DCAF6: variants seen among roughly 807,000 people sequenced by gnomAD.
DCAF6 encodes DDB1- and CUL4-associated factor 6.
In DCAF6, 54 loss-of-function variants were observed where a neutral mutation model predicts 125.1. The ratio of observed to expected loss-of-function variants is 0.43; its 90% CI spans 0.35 to 0.54. DCAF6 has a LOEUF of 0.54. DCAF6 is among the 20% of genes least tolerant of loss of function. The probability of loss-of-function intolerance (pLI) is 0.01; values close to 1 mark genes in which losing one functional copy is unlikely to be tolerated. For missense variants in DCAF6, 934 were observed against 1,161.7 expected (o/e 0.80, Z 2.85); for synonymous variants, 371 against 390.4 (o/e 0.95, Z 0.58).
chr1:167,952,571 C>T (rs192874487), intron 2 of DCAF6, among the ~76,000 whole-genome samples: 85 of 152,242 alleles, frequency 5.6e-4, no homozygotes, highest in Non-Finnish European at 1.1e-3. Context: ...ACCATACTCT[C>T]TTGGTTTTCT....
At chr1:168,049,796 C>T (rs1689659169) in intron 16 of DCAF6, among the ~76,000 whole-genome samples, 1 of 150,948 alleles carries the variant, frequency 6.6e-6, no homozygotes, top group South Asian at 2.1e-4. Context: ...GCTGGGACTA[C>T]AGGCGCCTGC....
chr1:168,005,498 C>G (rs528759828), intron 10 of DCAF6, among the ~76,000 whole-genome samples: 1 of 151,940 alleles, frequency 6.6e-6, no homozygotes, highest in African/African-American at 2.4e-5. Context: ...ACAGTTTACT[C>G]GGTACTTTAA....
intron 12 of DCAF6, among the ~76,000 whole-genome samples, chr1:168,029,944 C>G (rs1028705696): frequency 6.6e-6 from 1 of 150,628 alleles, no homozygotes; most frequent in Non-Finnish European, 1.5e-5. Context: ...TGCACCACTG[C>G]GCTCCAGCCT....
At chr1:168,016,769 A>G (rs148610056) in intron 11 of DCAF6, among the ~76,000 whole-genome samples, 10 of 152,246 alleles carry the variant, frequency 6.6e-5, no homozygotes, top group African/African-American at 7.2e-5. Context: ...TATAAATACT[A>G]TAGTAGGTAT....
chr1:167,965,019 C>T (rs1676182971), intron 2 of DCAF6, among the ~76,000 whole-genome samples: 1 of 152,238 alleles, frequency 6.6e-6, no homozygotes, highest in Admixed American at 6.5e-5. Context: ...ACAGTTCCAA[C>T]AGTCCTGCTA....
chr1:167,884,693 AAT>A, the DCAF6 span, among the ~76,000 whole-genome samples: 10 of 118,846 alleles, frequency 8.4e-5, no homozygotes, highest in African/African-American at 2.7e-4. Flanking sequence ...CAATCATTTT[AAT>A]TTTTTTTTTT....
chr1:168,032,923 T>C (rs902713908), intron 12 of DCAF6, among the ~76,000 whole-genome samples: 2 of 152,214 alleles, frequency 1.3e-5, no homozygotes, highest in African/African-American at 4.8e-5. Context: ...GTATCCCAGC[T>C]TAAAGTCTGA....
intron 7 of DCAF6, 152 bp downstream of exon 7, chr1:167,993,592 A>C: frequency 1.6e-6 from 1 of 613,212 alleles, no homozygotes; most frequent in East Asian, 2.8e-5. Flanking sequence ...TTTACTAAAA[A>C]CACAAAATTA....
chr1:167,924,211 T>C, the DCAF6 span, among the ~76,000 whole-genome samples: 1 of 152,222 alleles, frequency 6.6e-6, no homozygotes, highest in Admixed American at 6.5e-5. Flanking sequence ...TTTTACTTAG[T>C]AATAACATTT....
chr1:168,043,072 C>G lies in DCAF6; in HGVS notation c.1775C>G (p.Ser592Cys). The change falls in exon 14 of 22, where the codon TCT becomes TGT. Residue 592 changes from serine (S) to cysteine (C), a missense_variant. Around this residue, in one of 5 missense-constraint regions of DCAF6, gnomAD observed 559 missense variants for 635.5 expected, o/e 0.88. Coordinates refer to ENST00000367840, the MANE Select transcript of DCAF6 (RefSeq NM_001198956.2). ...AGAGGAATTGGGAGCCATTGCAAATCTGAGGGTCAGGAGGAATCTTTCGTC... is the reference window on the plus strand; with the variant it reads ...AGAGGAATTGGGAGCCATTGCAAATGTGAGGGTCAGGAGGAATCTTTCGTC... Reference protein sequence around the residue: ...SSRGIGSHCKSEGQEESFVPQ... With the variant: ...SSRGIGSHCKCEGQEESFVPQ... The G allele has an allele frequency of 6.2e-7, 1 of 1,612,948 alleles. No homozygotes were observed.
At chr1:167,941,786 T>C (rs1672278681) in intron 1 of DCAF6, among the ~76,000 whole-genome samples, 1 of 152,186 alleles carries the variant, frequency 6.6e-6, no homozygotes, top group Non-Finnish European at 1.5e-5. Flanking sequence ...AAAATGTAAA[T>C]AGTGAAACTT....
the DCAF6 span, among the ~76,000 whole-genome samples, chr1:167,929,085 G>A: frequency 3.9e-5 from 6 of 152,212 alleles, no homozygotes; most frequent in Middle Eastern, 3.2e-3. Context: ...TAGGCCGGGC[G>A]TGGTGGCTCA....
chr1:167,985,210 T>TA (rs1557931779), intron 4 of DCAF6, among the ~76,000 whole-genome samples: 3 of 123,832 alleles, frequency 2.4e-5, no homozygotes, highest in Admixed American at 1.6e-4. Context: ...TGTGTGTGTG[T>TA]GGTGTGTGTG....
chr1:167,881,187 A>G, the DCAF6 span, among the ~76,000 whole-genome samples: 1 of 152,240 alleles, frequency 6.6e-6, no homozygotes, highest in African/African-American at 2.4e-5. Context: ...ATAAAGGCTT[A>G]GGCTGTAAGT....
upstream of DCAF6, chr1:167,936,120 A>T (rs1671177314): frequency 2.0e-6 from 1 of 499,096 alleles, no homozygotes. Flanking sequence ...CAGGTGCCAA[A>T]ATAATCACCT....
the DCAF6 span, among the ~76,000 whole-genome samples, chr1:167,885,123 T>TTC: frequency 0.015 from 2,133 of 137,662 alleles, 47 homozygotes; most frequent in African/African-American, 0.052. Context: ...ACAGATCTCA[T>TTC]TTTTTTTATG....
rs537619057 is a variant in DCAF6, at chr1:168,071,465, TAAATACAA to T, written c.2791+3015_2791+3022del. Among the ~76,000 whole-genome samples, 373 of 152,080 alleles carry T rather than the reference TAAATACAA, an allele frequency of 2.5e-3. 2 individuals are homozygous for T. The highest frequency in any genetic ancestry group is 8.7e-3 in the African/African-American group (360 of 41,518). On this transcript the variant is annotated intron_variant, in intron 21 of 21. Coordinates refer to ENST00000367840, the MANE Select transcript of DCAF6 (RefSeq NM_001198956.2). ...TAAAAATAAAAAATAAAAAAAATTATAAATACAAAAATACAAAAATTAGCTGGACGTGA... is the reference window on the plus strand; with the variant it reads ...TAAAAATAAAAAATAAAAAAAATTATAAATACAAAAATTAGCTGGACGTGA...
intron 10 of DCAF6, among the ~76,000 whole-genome samples, chr1:168,011,360 C>T (rs931511006): frequency 2.0e-5 from 3 of 152,130 alleles, no homozygotes. Context: ...TCGTGATCCA[C>T]CCGCCTTGGC....
In DCAF6 at chr1:168,065,466, A is replaced by G. The variant is rs1692203799; in HGVS notation, c.2440-124A>G. On this transcript the variant is annotated intron_variant, in intron 18 of 21. Coordinates refer to ENST00000367840, the MANE Select transcript of DCAF6 (RefSeq NM_001198956.2). ...CCCAGCATCAATTTTTAATTTTACT[A>G]TTTTCTAAGCCAGTTTTTTAAAAAA... 8.5e-6 allele frequency: 7 copies of G among 819,558 alleles called. No individual in the cohort carries two copies. In the South Asian group the frequency reaches 1.2e-4, roughly 14 times the overall value. The allele number at this position is 819,558 out of a possible 1,614,324, so 50.8% of individuals were successfully genotyped here.
Sources: allele counts gnomAD v4.1 joint callset (sites outside exome capture counted in the v4.1 genomes callset), GRCh38; gene constraint gnomAD v4.1.1; regional missense constraint gnomAD v4.1.1; transcripts MANE v1.5; gene names NCBI Gene and HGNC (gene_info 2026-07-23, HGNC 2026-07-21).